The following DLGAP1 variants were observed in gnomAD, a reference collection of about 807,000 sequenced individuals.
DLGAP1 encodes DLG associated protein 1.
In DLGAP1, 11 loss-of-function variants were observed where a neutral mutation model predicts 90.8. The ratio of observed to expected loss-of-function variants is 0.12; its 90% CI spans 0.08 to 0.20. DLGAP1 has a LOEUF of 0.20. DLGAP1 is among the 10% of genes least tolerant of loss of function. The pLI is 1.00. For synonymous variants in DLGAP1, 558 were observed against 540.7 expected, an observed-to-expected ratio of 1.03 and a Z score of -0.44; for missense variants, 1,050 against 1,333.8, an observed-to-expected ratio of 0.79 and a Z score of 3.31.
In DLGAP1 at chr18:4,135,863, CTTCTTA is replaced by C. The variant is rs2076392172; in HGVS notation, c.-159+15311_-159+15316del. On this transcript the variant is annotated intron_variant, in intron 2 of 12. Coordinates refer to ENST00000315677, the MANE Select transcript of DLGAP1 (RefSeq NM_004746.4). ...TACCACATTTTCTTTTATTATTATT[CTTCTTA>C]TTATTTTTTATTATTATACTTTAAG... Among the ~76,000 whole-genome samples, 4 of 117,384 alleles carry C rather than the reference CTTCTTA, an allele frequency of 3.4e-5. No homozygotes were observed. The South Asian group carries it at 8.0e-4, about 24-fold the overall frequency. 77.0% of individuals were successfully genotyped at this position (117,384 alleles called of 152,430 possible).
Position 3,622,136 on chromosome 18 carries a change from G to A in DLGAP1, c.1592-39888C>T, listed in dbSNP as rs562446782. Among the ~76,000 whole-genome samples, 7 of 150,170 alleles carry A rather than the reference G, an allele frequency of 4.7e-5. No homozygotes were observed. In the East Asian group the frequency reaches 5.9e-4, roughly 13 times the overall value. On this transcript the variant is annotated intron_variant, in intron 7 of 12. Transcript: ENST00000315677. ...TTTTTTTTTTTTGATATGGAGTCTC[G>A]CTCTGTCGCCCAGGCTAGAGTGCAG...
intron 1 of DLGAP1, among the ~76,000 whole-genome samples, chr18:4,358,259 T>C (rs953753923): frequency 3.9e-5 from 6 of 152,216 alleles, no homozygotes; most frequent in African/African-American, 1.4e-4. Context: ...GTGAATCTAA[T>C]AAAATAAGAT....
At chr18:4,008,997 G>A (rs1393463555) in intron 2 of DLGAP1, among the ~76,000 whole-genome samples, 3 of 152,230 alleles carry the variant, frequency 2.0e-5, no homozygotes, top group East Asian at 3.9e-4. Context: ...TCTGCCTCCC[G>A]GGTTCACGCC....
intron 8 of DLGAP1, among the ~76,000 whole-genome samples, chr18:3,572,703 G>C (rs2054883848): frequency 1.3e-5 from 2 of 152,144 alleles, no homozygotes; most frequent in South Asian, 2.1e-4. Context: ...ACCCACTTCA[G>C]CCTCCCAAAA....
At chr18:4,102,942 TACTA>T (rs369478840) in intron 2 of DLGAP1, among the ~76,000 whole-genome samples, 62 of 152,344 alleles carry the variant, frequency 4.1e-4, no homozygotes, top group African/African-American at 1.4e-3. Flanking sequence ...CTCTCTCCCA[TACTA>T]ACTCTCTCCT....
chr18:3,852,849 C>T (rs1052927350), intron 4 of DLGAP1, among the ~76,000 whole-genome samples: 1 of 151,924 alleles, frequency 6.6e-6, no homozygotes, highest in African/African-American at 2.4e-5. Context: ...TAATTGTCAT[C>T]TGGCCATGTT....
intron 8 of DLGAP1, chr18:3,580,286 GGC>G: frequency 6.2e-7 from 1 of 1,612,786 alleles, no homozygotes; most frequent in Non-Finnish European, 8.5e-7. Context: ...CACCAGCAAT[GGC>G]GCAACTGTCT....
chr18:3,685,157 T>C (rs1437538644), intron 7 of DLGAP1, among the ~76,000 whole-genome samples: 1 of 152,186 alleles, frequency 6.6e-6, no homozygotes, highest in African/African-American at 2.4e-5. Context: ...TTTTGGTAAA[T>C]GTATCACATG....
In DLGAP1 at chr18:4,151,180, C is replaced by A. The variant is rs2076670002; in HGVS notation, c.-159G>T. 1 of 152,088 alleles carries A rather than the reference C, an allele frequency of 6.6e-6. No individual in the cohort carries two copies. The highest frequency in any genetic ancestry group is 1.5e-5 in the Non-Finnish European group (1 of 68,008). 9.4% of individuals were successfully genotyped at this position (152,088 alleles called of 1,614,324 possible). A position where few individuals can be genotyped will look rare whatever the true frequency, so the allele number is the denominator to read the frequency against. On this transcript the variant is annotated splice_region_variant and 5_prime_UTR_variant, in exon 2 of 13. It adds an upstream start codon to the 5' untranslated region. Transcript: ENST00000315677. ...TAAGGGGGAAAGGGGGCAGTTTTAC[C>A]TTTGATTATCAATTGTCCATTTTCC...
At chr18:4,265,561 CCTTT>C (rs1398564523) in intron 1 of DLGAP1, among the ~76,000 whole-genome samples, 4 of 138,188 alleles carry the variant, frequency 2.9e-5, no homozygotes, top group Admixed American at 7.3e-5. Flanking sequence ...TTCCTTCCTT[CCTTT>C]CCTTTCCTTT....
chr18:3,582,714 A>C (rs1341264255), intron 7 of DLGAP1, among the ~76,000 whole-genome samples: 1 of 152,146 alleles, frequency 6.6e-6, no homozygotes, highest in Admixed American at 6.6e-5. Flanking sequence ...GAAGGCAAAG[A>C]GGTTGTGAGG....
chr18:3,600,685 G>GATATCTATAT (rs2056844837), intron 7 of DLGAP1, among the ~76,000 whole-genome samples: 3 of 130,106 alleles, frequency 2.3e-5, no homozygotes, highest in Admixed American at 7.7e-5. Context: ...GATATCTATA[G>GATATCTATAT]AGATCTATAT....
At chr18:4,305,968 G>A (rs180750320) in intron 1 of DLGAP1, among the ~76,000 whole-genome samples, 5 of 150,052 alleles carry the variant, frequency 3.3e-5, no homozygotes, top group African/African-American at 1.2e-4. Context: ...CGAGTAGAAT[G>A]CTATCAGTCT....
intron 2 of DLGAP1, among the ~76,000 whole-genome samples, chr18:4,123,451 C>T (rs2076184480): frequency 6.6e-6 from 1 of 152,020 alleles, no homozygotes; most frequent in Admixed American, 6.6e-5. Flanking sequence ...AGGAAGGGCC[C>T]AATAAAGTCT....
At chr18:3,537,835 G>A (rs569826176) in intron 9 of DLGAP1, among the ~76,000 whole-genome samples, 30 of 152,250 alleles carry the variant, frequency 2.0e-4, no homozygotes, top group African/African-American at 6.3e-4. Flanking sequence ...GAATGTGTGA[G>A]GTGGTACATT....
chr18:3,543,199 C>T (rs900881578), intron 9 of DLGAP1, among the ~76,000 whole-genome samples: 25 of 125,646 alleles, frequency 2.0e-4, no homozygotes, highest in African/African-American at 8.9e-4. Context: ...GAGACGGAGT[C>T]TCGCTTTGTC....
chr18:3,841,939 T>A (rs550448847), intron 4 of DLGAP1, among the ~76,000 whole-genome samples: 26 of 152,240 alleles, frequency 1.7e-4, no homozygotes, highest in African/African-American at 6.3e-4. Context: ...CAGGCAATCC[T>A]ACCTAAGATA....
rs1034715672 is a variant in DLGAP1, at chr18:4,240,346, C to T, written c.-266-89059G>A. On this transcript the variant is annotated intron_variant, in intron 1 of 12. Coordinates refer to ENST00000315677, the MANE Select transcript of DLGAP1 (RefSeq NM_004746.4). ...ATCAGTAAGAATGACCACTATAATG[C>T]CTTAACTTTATTTACCAAATACACT... is the stretch of plus-strand genomic sequence containing the variant. 7.9e-5 allele frequency among the ~76,000 whole-genome samples: 12 copies of T among 151,822 alleles called. 1 individual carries two copies. The highest frequency in any genetic ancestry group is 6.6e-4 in the Admixed American group (10 of 15,240).
At chr18:3,851,672 A>C (rs1274175400) in intron 4 of DLGAP1, among the ~76,000 whole-genome samples, 1 of 152,230 alleles carries the variant, frequency 6.6e-6, no homozygotes, top group Non-Finnish European at 1.5e-5. Context: ...AAAGTTTAAA[A>C]GTAAAAAAAT....
Sources: allele counts gnomAD v4.1 joint callset (sites outside exome capture counted in the v4.1 genomes callset), GRCh38; gene constraint gnomAD v4.1.1; transcripts MANE v1.5; gene names NCBI Gene and HGNC (gene_info 2026-07-23, HGNC 2026-07-21).